ARFGEF3: variants seen among roughly 807,000 people sequenced by gnomAD.
The protein encoded by ARFGEF3 is ARFGEF family member 3, also known as brefeldin A-inhibited guanine nucleotide-exchange protein 3.
A neutral mutation model predicts 221.7 loss-of-function variants in ARFGEF3; 96 were observed. That is an observed-to-expected ratio of 0.43 (90% CI 0.37 to 0.51). The LOEUF is 0.51. Among genes scored for constraint, ARFGEF3 ranks in the 20% least tolerant of loss-of-function variants. The pLI, the probability that ARFGEF3 is intolerant of heterozygous loss-of-function variation, is 0.00. For synonymous variants in ARFGEF3, 1,145 were observed against 1,126.8 expected (o/e 1.02, Z -0.32); for missense variants, 2,410 against 2,789.9 (o/e 0.86, Z 3.07).
chr6:138,174,972 C>T (rs1045281385), intron 2 of ARFGEF3, among the ~76,000 whole-genome samples: 3 of 152,106 alleles, frequency 2.0e-5, no homozygotes, highest in Admixed American at 2.0e-4. Flanking sequence ...ATTGATTGCT[C>T]TAAGGACTTT....
intron 26 of ARFGEF3, among the ~76,000 whole-genome samples, chr6:138,315,711 G>A (rs970453051): frequency 6.6e-6 from 1 of 151,864 alleles, no homozygotes; most frequent in Non-Finnish European, 1.5e-5. Flanking sequence ...TTAGTCAAGC[G>A]TGGTGGGGGG....
chr6:138,243,861 TG>T (rs1482325978), intron 7 of ARFGEF3, among the ~76,000 whole-genome samples: 4 of 152,148 alleles, frequency 2.6e-5, no homozygotes, highest in African/African-American at 9.7e-5. Context: ...ACTAGAGTAT[TG>T]TTTCAGTCCC....
intron 20 of ARFGEF3, among the ~76,000 whole-genome samples, chr6:138,295,511 C>T (rs1779493342): frequency 2.0e-5 from 3 of 151,248 alleles, no homozygotes; most frequent in Admixed American, 6.6e-5. Context: ...GTGCCTGTAG[C>T]CCCAGCTACT....
intron 2 of ARFGEF3, among the ~76,000 whole-genome samples, chr6:138,197,640 T>C (rs996311594): frequency 1.3e-5 from 2 of 152,278 alleles, no homozygotes; most frequent in Non-Finnish European, 1.5e-5. Flanking sequence ...ATGATCATCT[T>C]ATGGGACCAC....
rs147025078 is a variant in ARFGEF3 at position 138,269,109 on chromosome 6, C to A, written c.2128+5498C>A. ...CTCCAGTCATAGGCTCCCTAAGGGT[C>A]CCGTGATTTTGCTACCATTATCCTC... On this transcript the variant is annotated intron_variant, in intron 12 of 33. Transcript: ENST00000251691. 5.1e-4 allele frequency among the ~76,000 whole-genome samples: 78 copies of A among 152,332 alleles called. 2 individuals carry two copies. Among genetic ancestry groups the A allele is most frequent in the Non-Finnish European group, 2.9e-5 (2 of 68,024 alleles).
At chr6:138,294,222 A>T (rs781514682) in intron 20 of ARFGEF3, 96 bp downstream of exon 20, 1 of 1,302,374 alleles carries the variant, frequency 7.7e-7, no homozygotes, top group Non-Finnish European at 1.1e-6. Flanking sequence ...TTGACTCCAC[A>T]TTCCCATTGC....
intron 4 of ARFGEF3, among the ~76,000 whole-genome samples, chr6:138,229,505 C>T (rs1472335998): frequency 1.3e-5 from 2 of 152,164 alleles, no homozygotes; most frequent in African/African-American, 4.8e-5. Flanking sequence ...CTGGACACAC[C>T]TCCTGGAGCT....
chr6:138,289,765 T>G, intron 17 of ARFGEF3, 53 bp from the exon 18 acceptor site: 1 of 1,560,906 alleles, frequency 6.4e-7, no homozygotes, highest in Non-Finnish European at 8.7e-7. Flanking sequence ...ATTTTCATTC[T>G]TTCTGTCTCC....
intron 17 of ARFGEF3, among the ~76,000 whole-genome samples, chr6:138,288,491 C>A (rs146344517): frequency 1.3e-5 from 2 of 152,184 alleles, no homozygotes; most frequent in African/African-American, 4.8e-5. Flanking sequence ...TGAGACCAGC[C>A]TGGCCAACAT....
In ARFGEF3 at chr6:138,249,163, A is replaced by G. The variant is rs997747600; in HGVS notation, c.665+3572A>G. ...TTAAGAACACTGGGCTGTGTACATC[A>G]GAAATTTGACTGTAGATTGTTAGGA... On this transcript the variant is annotated intron_variant, in intron 8 of 33. Coordinates refer to ENST00000251691, the MANE Select transcript of ARFGEF3 (RefSeq NM_020340.5). Among the ~76,000 whole-genome samples, 3 of 152,248 alleles carry G rather than the reference A, an allele frequency of 2.0e-5. No homozygotes were observed. The East Asian group carries it at 5.8e-4, about 29-fold the overall frequency.
chr6:138,314,017 C>T, intron 26 of ARFGEF3, 78 bp downstream of exon 26: 1 of 1,431,536 alleles, frequency 7.0e-7, no homozygotes, highest in Non-Finnish European at 9.6e-7. Flanking sequence ...AATGAAGTAC[C>T]TTAAGCTTCT....
At chr6:138,316,531 C>T (rs1779928757) in intron 26 of ARFGEF3, among the ~76,000 whole-genome samples, 1 of 152,022 alleles carries the variant, frequency 6.6e-6, no homozygotes, top group South Asian at 2.1e-4. Context: ...TATGGCTAAT[C>T]TTGGATCATG....
intron 8 of ARFGEF3, 144 bp from the exon 9 acceptor site, chr6:138,253,736 C>T (rs1300556956): frequency 7.5e-6 from 5 of 670,322 alleles, no homozygotes; most frequent in Non-Finnish European, 1.3e-5. Context: ...GAGAGAGACA[C>T]AGTTCAACCC....
At position 138,308,795 on chromosome 6, in the gene ARFGEF3, A is replaced by G. The variant is rs1409883581; in HGVS notation, c.4030A>G (p.Ile1344Val). The G allele has an allele frequency of 6.2e-7, 1 of 1,614,022 alleles. No individual in the cohort carries two copies. Among genetic ancestry groups the G allele is most frequent in the Admixed American group, 1.7e-5 (1 of 60,032 alleles). Residue 1344 changes from isoleucine to valine, a missense_variant, in exon 24 of 34, where the codon ATC becomes GTC. Coordinates refer to ENST00000251691, the MANE Select transcript of ARFGEF3 (RefSeq NM_020340.5). ...TGAAGCTTTTCTCAATACTGACAAC[A>G]TCCAGGTCTTTGCTAATGCAGCCAC... ...VFEAFLNTDN[I>V]QVFANAATSY...
rs146062869 is a variant in ARFGEF3 at position 138,218,303 on chromosome 6, G to A, written c.351+8262G>A. The A allele has an allele frequency of 5.9e-5, 94 of 1,580,198 alleles. No homozygotes were observed. In the Middle Eastern group the frequency reaches 9.9e-4, roughly 17 times the overall value. On this transcript the variant is annotated intron_variant, in intron 4 of 33. Transcript: ENST00000251691. ...CTAGAATGCCTGGTAGCCTTGGGAA[G>A]TTACTTAATCTGTGCCTCAATTTTC... is the stretch of plus-strand genomic sequence containing the variant.
At chr6:138,164,763 C>T (rs1447664037) in intron 1 of ARFGEF3, among the ~76,000 whole-genome samples, 2 of 152,220 alleles carry the variant, frequency 1.3e-5, no homozygotes, top group Non-Finnish European at 2.9e-5. Context: ...GACTGACATG[C>T]TCTGCGTGGG....
chr6:138,234,366 A>G (rs1778246770), intron 5 of ARFGEF3, among the ~76,000 whole-genome samples: 1 of 152,160 alleles, frequency 6.6e-6, no homozygotes, highest in Non-Finnish European at 1.5e-5. Context: ...TTTAGAATTT[A>G]TTTTTGAGTT....
rs752395272 is a variant in ARFGEF3 at position 138,317,344 on chromosome 6, T to C, written c.4439T>C (p.Leu1480Pro). ...CACCAACCACCAACTCTGGATTTAC[T>C]CTTTGAGCTGTTGAGAGATGTGACG... is the stretch of plus-strand genomic sequence containing the variant. ...RQHQPPTLDL[L>P]FELLRDVTKT... The change falls in exon 27 of 34, where the codon CTC becomes CCC. Residue 1480 changes from leucine (L) to proline (P), a missense_variant. Leu to Pro is a moderately conservative substitution (Grantham distance 98). Transcript: ENST00000251691. The C allele has an allele frequency of 1.5e-5, 24 of 1,613,878 alleles. No individual in the cohort carries two copies.
chr6:138,210,951 C>T (rs1035243215), intron 4 of ARFGEF3, among the ~76,000 whole-genome samples: 12 of 152,158 alleles, frequency 7.9e-5, no homozygotes, highest in Non-Finnish European at 1.6e-4. Flanking sequence ...CTCACCCTAA[C>T]CCTGTTGGTG....
Sources: allele counts gnomAD v4.1 joint callset (sites outside exome capture counted in the v4.1 genomes callset), GRCh38; gene constraint gnomAD v4.1.1; transcripts MANE v1.5; gene names NCBI Gene and HGNC (gene_info 2026-07-23, HGNC 2026-07-21).